SH2B3: variants seen among roughly 807,000 people sequenced by gnomAD.
The protein encoded by SH2B3 is SH2B adaptor protein 3.
In SH2B3, 43 loss-of-function variants were observed where a neutral mutation model predicts 51.9. The ratio of observed to expected loss-of-function variants is 0.83; its 90% confidence interval spans 0.65 to 1.07. The LOEUF is 1.07. SH2B3 is among the 50% of genes least tolerant of loss of function. The pLI is 0.00. For missense variants in SH2B3, 952 were observed against 834.3 expected (o/e 1.14, Z -1.74); for synonymous variants, 396 against 376.0 (o/e 1.05, Z -0.62).
chr12:111,415,622 T>G (rs1307449927), intron 1 of SH2B3, among the ~76,000 whole-genome samples: 1 of 149,570 alleles, frequency 6.7e-6, no homozygotes, highest in Non-Finnish European at 1.5e-5. Context: ...GTGTGTGATT[T>G]TTTTTTTTTT....
At chr12:111,423,320 C>T (rs1322689013) in intron 2 of SH2B3, among the ~76,000 whole-genome samples, 10 of 152,166 alleles carry the variant, frequency 6.6e-5, no homozygotes, top group Non-Finnish European at 8.8e-5. Flanking sequence ...AGACAAATAA[C>T]GGCCCCAATA....
intron 2 of SH2B3, among the ~76,000 whole-genome samples, chr12:111,427,531 G>T (rs777524563): frequency 1.3e-5 from 2 of 152,208 alleles, no homozygotes; most frequent in African/African-American, 4.8e-5. Flanking sequence ...GGGGGCCCTG[G>T]GGAAGGAGAA....
At position 111,410,730 on chromosome 12, in the gene SH2B3, C is replaced by T. The variant is rs577596813; in HGVS notation, c.-28+4453C>T. ...GGGGTAGAACCCACCTCTCTGCCTC[C>T]CCAGGGACCCTGCCTTCGCCCCCTG... On this transcript the variant is annotated intron_variant, in intron 1 of 7. Transcript: ENST00000341259. This position sits in a 1 kb window ranked among gnomAD's most constrained non-coding sequence, Gnocchi z 4.9. Among the ~76,000 whole-genome samples, 15 of 152,200 alleles carry T rather than the reference C, an allele frequency of 9.9e-5. No individual in the cohort carries two copies. The highest frequency in any genetic ancestry group is 2.2e-4 in the Non-Finnish European group (15 of 68,030).
chr12:111,436,465 C>G (rs7299305), intron 2 of SH2B3, among the ~76,000 whole-genome samples: 15,693 of 152,156 alleles, frequency 0.1, 2,706 homozygotes, highest in African/African-American at 0.36. Flanking sequence ...ATAGCCGACT[C>G]GAGAGTAGAA....
chr12:111,418,097 C>T lies in SH2B3; in HGVS notation c.-27-22C>T. On this transcript the variant is annotated intron_variant, in intron 1 of 7. Transcript: ENST00000341259. This position sits in a 1 kb window ranked among gnomAD's most constrained non-coding sequence, Gnocchi z 6.7. ...GCCCACCTGCTTACTCCTTGTCGCCCCCCCACCCACGTGTCTTTCAGCCCG... is the reference window on the plus strand; with the variant it reads ...GCCCACCTGCTTACTCCTTGTCGCCTCCCCACCCACGTGTCTTTCAGCCCG... The T allele has an allele frequency of 6.8e-7, 1 of 1,470,206 alleles. No individual in the cohort carries two copies. The allele number at this position is 1,470,206 out of a possible 1,614,324, so 91.1% of individuals were successfully genotyped here. A position where few individuals can be genotyped will look rare whatever the true frequency, so the allele number is the denominator to read the frequency against.
chr12:111,440,975 G>C (rs1873352977), intron 2 of SH2B3, among the ~76,000 whole-genome samples: 1 of 152,168 alleles, frequency 6.6e-6, no homozygotes. Context: ...CTCAGGGAAG[G>C]GTAGTGGCAT....
At chr12:111,419,882 C>T (rs1159632641) in intron 2 of SH2B3, among the ~76,000 whole-genome samples, 3 of 152,190 alleles carry the variant, frequency 2.0e-5, no homozygotes, top group East Asian at 3.9e-4. Context: ...GAGGTTTAGT[C>T]GTTACGTCTC....
chr12:111,426,329 G>A (rs535099983), intron 2 of SH2B3, among the ~76,000 whole-genome samples: 179 of 151,932 alleles, frequency 1.2e-3, no homozygotes, highest in Non-Finnish European at 2.2e-3. Flanking sequence ...AGGGAGAGGG[G>A]TTCTAGATTC....
chr12:111,426,559 G>C (rs1213391205), intron 2 of SH2B3, among the ~76,000 whole-genome samples: 1 of 152,072 alleles, frequency 6.6e-6, no homozygotes, highest in Admixed American at 6.6e-5. Context: ...GGGAGAAGGA[G>C]GGTGAGAGAG....
In SH2B3 at chr12:111,418,742, G is replaced by C; in HGVS notation, c.597G>C (p.Ala199=). ...CGCCACCCGAGGCGCTGAAGGAGGC[G>C]GTGCTGCGCTACAGCCTGGCCGACG... The part of the protein sequence containing the change: ...REPPPEALKE[A]VLRYSLADEA... The change falls in exon 2 of 8, where the codon GCG becomes GCC. Residue 199 remains alanine, a synonymous_variant. Transcript: ENST00000341259. This position sits in a 1 kb window ranked among gnomAD's most constrained non-coding sequence, Gnocchi z 6.7. The C allele has an allele frequency of 6.7e-7, 1 of 1,484,024 alleles. No individual in the cohort carries two copies. Among genetic ancestry groups the C allele is most frequent in the Non-Finnish European group, 8.9e-7 (1 of 1,124,900 alleles). The allele number at this position is 1,484,024 out of a possible 1,614,324, so 91.9% of individuals were successfully genotyped here. A position where few individuals can be genotyped will look rare whatever the true frequency, so the allele number is the denominator to read the frequency against.
Position 111,447,462 on chromosome 12 carries a change from C to T in SH2B3, c.1154C>T (p.Ala385Val). 3 of 1,611,746 alleles carry T rather than the reference C, an allele frequency of 1.9e-6. No homozygotes were observed. Among genetic ancestry groups the T allele is most frequent in the Non-Finnish European group, 2.5e-6 (3 of 1,179,554 alleles). The change falls in exon 6 of 8, where the codon GCT (alanine) becomes GTT (valine). Residue 385 changes from alanine to valine, a missense_variant. By Grantham distance (64) the Ala-to-Val change is moderately conservative. Coordinates refer to ENST00000341259, the MANE Select transcript of SH2B3 (RefSeq NM_005475.3). ...CTGGTTCAGCTGCAGGGCCCTGATG[C>T]TCATGGAGTGTTCCTGGTGCGGCAG... is the stretch of plus-strand genomic sequence containing the variant. ...AQLVQLQGPD[A>V]HGVFLVRQSE...
At chr12:111,404,991 G>C (rs571360050), upstream of SH2B3, among the ~76,000 whole-genome samples, 47 of 152,288 alleles carry the variant, frequency 3.1e-4, no homozygotes, top group African/African-American at 1.1e-3. Context: ...TGTTGGGGGA[G>C]GGGGAGAAGA....
At chr12:111,419,020 G>C in intron 2 of SH2B3, 143 bp downstream of exon 2, 1 of 767,978 alleles carries the variant, frequency 1.3e-6, no homozygotes, top group Admixed American at 4.3e-5. Flanking sequence ...TCTTAAAAAA[G>C]AACTTTTAGG....
intron 1 of SH2B3, among the ~76,000 whole-genome samples, chr12:111,415,058 G>T (rs1317807174): frequency 6.6e-6 from 1 of 152,172 alleles, no homozygotes; most frequent in East Asian, 1.9e-4. Flanking sequence ...CACACAGTAG[G>T]CCCTCAGTAA....
chr12:111,436,274 T>G (rs1360010890), intron 2 of SH2B3, among the ~76,000 whole-genome samples: 2 of 152,166 alleles, frequency 1.3e-5, no homozygotes, highest in Non-Finnish European at 2.9e-5. Flanking sequence ...TCCTGCTCCT[T>G]GCAAGGCCCA....
chr12:111,447,437 C>A lies in SH2B3; in HGVS notation c.1129C>A (p.Leu377Met). 6.2e-7 allele frequency: 1 copy of A among 1,613,936 alleles called. No individual in the cohort carries two copies. The highest frequency in any genetic ancestry group is 8.5e-7 in the Non-Finnish European group (1 of 1,179,918). ...CATCTCCAGAGTGAAAGCAGCTCAG[C>A]TGGTTCAGCTGCAGGGCCCTGATGC... ...GPISRVKAAQ[L>M]VQLQGPDAHG... The change falls in exon 6 of 8, where the codon CTG (leucine) becomes ATG (methionine). Residue 377 changes from leucine (L) to methionine (M), a missense_variant. Physicochemically the swap from Leu to Met is conservative, Grantham distance 15. Coordinates refer to ENST00000341259, the MANE Select transcript of SH2B3 (RefSeq NM_005475.3).
In SH2B3 at chr12:111,427,977, G is replaced by T. The variant is rs540469446; in HGVS notation, c.732+9100G>T. Among the ~76,000 whole-genome samples, 94 of 152,350 alleles carry T rather than the reference G, an allele frequency of 6.2e-4. 1 individual carries two copies. In the South Asian group the frequency reaches 0.017, roughly 28 times the overall value. ...GTCTCACAGCCCCTGTGGCTGAGAG[G>T]GGCTTGGAACCTGGGCAGTTGGCTG... On this transcript the variant is annotated intron_variant, in intron 2 of 7. Transcript: ENST00000341259.
chr12:111,414,620 A>G (rs1870942902), intron 1 of SH2B3, among the ~76,000 whole-genome samples: 1 of 151,376 alleles, frequency 6.6e-6, no homozygotes, highest in Non-Finnish European at 1.5e-5. Context: ...TCGACTCTGC[A>G]TGGCCCCCTT....
intron 2 of SH2B3, among the ~76,000 whole-genome samples, chr12:111,421,541 C>G (rs1871562969): frequency 6.6e-6 from 1 of 151,658 alleles, no homozygotes; most frequent in African/African-American, 2.4e-5. Flanking sequence ...CTCAGCCTCC[C>G]GAGTAACTGG....
Sources: gnomAD v4.1 joint callset for allele counts (sites outside exome capture counted in the v4.1 genomes callset) on GRCh38, gnomAD v4.1.1 for gene constraint, Gnocchi (gnomAD v3.1) non-coding constraint, MANE v1.5 for transcripts, NCBI Gene and HGNC (gene_info 2026-07-23, HGNC 2026-07-21) for gene names.